CAPN13: variants seen among roughly 807,000 people sequenced by gnomAD.
The protein encoded by CAPN13 is calpain 13.
Under a neutral mutation model 98.4 loss-of-function variants are expected in CAPN13, and 90 were observed. The ratio of observed to expected loss-of-function variants is 0.92; its 90% CI spans 0.77 to 1.09. CAPN13 has a LOEUF of 1.09. Among genes scored for constraint, CAPN13 ranks in the 50% least tolerant of loss-of-function variants. CAPN13 has a pLI of 0.00. For synonymous variants in CAPN13, 330 were observed against 305.5 expected (o/e 1.08, Z -0.84); for missense variants, 887 against 841.3 (o/e 1.05, Z -0.67).
chr2:30,731,437 G>T lies in CAPN13; in HGVS notation c.1928-38C>A. The T allele has an allele frequency of 2.5e-6, 4 of 1,582,184 alleles. No individual in the cohort carries two copies. In the South Asian group the frequency reaches 3.4e-5, roughly 14 times the overall value. On this transcript the variant is annotated intron_variant, in intron 20 of 22. Coordinates refer to ENST00000295055, the MANE Select transcript of CAPN13 (RefSeq NM_144575.3). Reference sequence around the variant, plus strand: ...AGGGAAGGTTTTGACTGACTGAGGAGGAAGGAATCCAGGCAGTTCAGGGGA... The same window carrying T: ...AGGGAAGGTTTTGACTGACTGAGGATGAAGGAATCCAGGCAGTTCAGGGGA...
chr2:30,732,445 G>A lies in CAPN13; in HGVS notation c.1920C>T (p.Ala640=), dbSNP rs1183830918. Residue 640 remains alanine, a synonymous_variant, in exon 20 of 23, where the codon GCC becomes GCT. Coordinates refer to ENST00000295055, the MANE Select transcript of CAPN13 (RefSeq NM_144575.3). The part of the protein sequence containing the change: ...SLVCFLMRLE[A]MAKTFRNLSK... ...CCCCTTGGGGACACTTACTTGCCAT[G>A]GCTTCAAGCCGCATCAGGAAGCAGA... 6.2e-7 allele frequency: 1 copy of A among 1,613,330 alleles called. No homozygotes were observed. Among genetic ancestry groups the A allele is most frequent in the Non-Finnish European group, 8.5e-7 (1 of 1,179,802 alleles).
intron 22 of CAPN13, among the ~76,000 whole-genome samples, chr2:30,728,768 G>A (rs140317067): frequency 2.1e-4 from 32 of 152,288 alleles, no homozygotes; most frequent in East Asian, 5.8e-4. Context: ...TCCAGCTGCC[G>A]GAAATTGATT....
At chr2:30,794,165 A>G (rs1674737577) in intron 1 of CAPN13, among the ~76,000 whole-genome samples, 1 of 151,792 alleles carries the variant, frequency 6.6e-6, no homozygotes, top group Non-Finnish European at 1.5e-5. Flanking sequence ...CAGACAAAGG[A>G]CTTGAATCCA....
At chr2:30,759,057 TCCC>T (rs1413417548) in intron 7 of CAPN13, among the ~76,000 whole-genome samples, 187 of 10,802 alleles carry the variant, frequency 0.017, 4 homozygotes, top group African/African-American at 0.085. Flanking sequence ...CTTCCTTCCC[TCCC>T]TCCCTCCCTC....
Position 30,728,150 on chromosome 2 carries a change from G to A in CAPN13, c.*30+2580C>T, listed in dbSNP as rs1039872783. On this transcript the variant is annotated intron_variant, in intron 22 of 22. Transcript: ENST00000295055. ...AGATTAGTGGTTGCCTCAGGCTAGAGGGTGGGACACAATTGGGGAGCAACT... is the reference window on the plus strand; with the variant it reads ...AGATTAGTGGTTGCCTCAGGCTAGAAGGTGGGACACAATTGGGGAGCAACT... Among the ~76,000 whole-genome samples the A allele has an allele frequency of 6.7e-5, 10 of 150,298 alleles. No homozygotes were observed. The Admixed American group carries it at 6.7e-4, about 10-fold the overall frequency.
intron 17 of CAPN13, 108 bp downstream of exon 17, chr2:30,738,127 A>G (rs1671467315): frequency 1.7e-6 from 2 of 1,163,636 alleles, no homozygotes; most frequent in Non-Finnish European, 2.5e-6. Context: ...GGAAGAAGAG[A>G]AAATACTGAG....
chr2:30,743,146 C>T (rs536379828), intron 13 of CAPN13: 20 of 551,668 alleles, frequency 3.6e-5, no homozygotes, highest in Admixed American at 2.6e-4. Context: ...TCAGTCCTCC[C>T]GTGCCACTTT....
intron 17 of CAPN13, 99 bp from the exon 18 acceptor site, chr2:30,736,670 C>G (rs1671383693): frequency 9.5e-7 from 1 of 1,054,294 alleles, no homozygotes. Flanking sequence ...TCACTAGCAA[C>G]ACAGCTGGTC....
intron 11 of CAPN13, among the ~76,000 whole-genome samples, chr2:30,747,800 C>A (rs545236203): frequency 6.6e-6 from 1 of 152,300 alleles, no homozygotes; most frequent in South Asian, 2.1e-4. Flanking sequence ...TTTGAGTTGT[C>A]CAGGTCTGAA....
chr2:30,802,153 G>A (rs1461834354), intron 1 of CAPN13, among the ~76,000 whole-genome samples: 1 of 152,142 alleles, frequency 6.6e-6, no homozygotes, highest in African/African-American at 2.4e-5. Context: ...CCTGGACTGG[G>A]AGCTCTGGTT....
intron 8 of CAPN13, among the ~76,000 whole-genome samples, chr2:30,755,607 G>A (rs1350470154): frequency 1.3e-5 from 2 of 152,090 alleles, no homozygotes; most frequent in Non-Finnish European, 2.9e-5. Flanking sequence ...ACTCCTTAGA[G>A]GGGAGGCATG....
chr2:30,731,218 G>C lies in CAPN13; in HGVS notation c.1983+126C>G, dbSNP rs185377350. 4.9e-4 allele frequency: 370 copies of C among 761,576 alleles called. 4 individuals carry two copies. The highest frequency in any genetic ancestry group is 4.3e-3 in the East Asian group (143 of 33,150). 47.2% of individuals were successfully genotyped at this position (761,576 alleles called of 1,614,324 possible). On this transcript the variant is annotated intron_variant, in intron 21 of 22. Transcript: ENST00000295055. ...TATATAAGGCAGTAATTGGAGGTTG[G>C]GGGGACAGCTTGGCTGGCCTTTGAC...
intron 7 of CAPN13, among the ~76,000 whole-genome samples, chr2:30,758,995 CT>C (rs1293375141): frequency 7.4e-6 from 1 of 135,480 alleles, no homozygotes; most frequent in Non-Finnish European, 1.6e-5. Flanking sequence ...CCCCTTGCCC[CT>C]ATCCTTTTCC....
chr2:30,741,178 C>G (rs576740066), intron 15 of CAPN13, among the ~76,000 whole-genome samples: 1 of 152,168 alleles, frequency 6.6e-6, no homozygotes, highest in African/African-American at 2.4e-5. Context: ...GCAACACATG[C>G]CACTCATTCC....
chr2:30,773,836 T>C (rs77159903), intron 4 of CAPN13, among the ~76,000 whole-genome samples: 4,838 of 152,246 alleles, frequency 0.032, 97 homozygotes, highest in Non-Finnish European at 0.048. Context: ...GATAACACAA[T>C]TGCAAATCAT....
intron 15 of CAPN13, among the ~76,000 whole-genome samples, chr2:30,739,582 C>T (rs1387665334): frequency 2.0e-5 from 3 of 152,166 alleles, no homozygotes; most frequent in Admixed American, 2.0e-4. Context: ...TGAGTGCCCA[C>T]TATCAACTGA....
chr2:30,759,048 TTCCTTCCCTCCCTCCCTCCCTCCTC>T (rs1558315224), intron 7 of CAPN13, among the ~76,000 whole-genome samples: 4 of 18,998 alleles, frequency 2.1e-4, no homozygotes, highest in African/African-American at 1.5e-3. Context: ...CCCTCCTTCC[TTCCTTCCCTCCCTCCCTCCCTCCTC>T]CCTCCCTTCC....
At chr2:30,743,272 A>G in intron 13 of CAPN13, 111 bp downstream of exon 13, 1 of 966,384 alleles carries the variant, frequency 1.0e-6, no homozygotes, top group Non-Finnish European at 1.6e-6. Context: ...TCATGTCCCC[A>G]GTGACATAGC....
Position 30,764,134 on chromosome 2 carries a change from C to T in CAPN13, c.697G>A (p.Gly233Arg), listed in dbSNP as rs1211972938. Residue 233 changes from glycine (G) to arginine (R), a missense_variant and splice_region_variant, in exon 6 of 23, where the codon GGG becomes AGG. Physicochemically the swap from Gly to Arg is moderately radical, Grantham distance 125. Transcript: ENST00000295055. ...AAAAGGGCTCCCCAGTGACTTACCC[C>T]ACTTGGAGTGGCACAGGTTATCAGG... ...GSLITCATPSGPTDTAQAMEN... is the reference protein window; with the variant it reads ...GSLITCATPSRPTDTAQAMEN... 3.2e-6 allele frequency: 5 copies of T among 1,565,004 alleles called. No homozygotes were observed. The highest frequency in any genetic ancestry group is 2.4e-5 in the East Asian group (1 of 41,908).
Sources: gnomAD v4.1 joint callset for allele counts (sites outside exome capture counted in the v4.1 genomes callset) on GRCh38, gnomAD v4.1.1 for gene constraint, MANE v1.5 for transcripts, NCBI Gene and HGNC (gene_info 2026-07-23, HGNC 2026-07-21) for gene names.